The following NCOA2 variants were observed in gnomAD, a reference collection of about 807,000 sequenced individuals.
NCOA2 encodes the protein class E basic helix-loop-helix protein 75.
NCOA2 carries 21 observed loss-of-function variants against 145.1 expected under a neutral mutation model. That is an observed-to-expected ratio of 0.14 (90% CI 0.10 to 0.21). The LOEUF (loss-of-function observed/expected upper bound fraction) is 0.21, where lower values mean the gene tolerates loss of function less well. Among genes scored for constraint, NCOA2 ranks in the 10% least tolerant of loss-of-function variants. The pLI, the probability that NCOA2 is intolerant of heterozygous loss-of-function variation, is 1.00. For missense variants in NCOA2, 1,472 were observed against 1,837.6 expected, an observed-to-expected ratio of 0.80 and a Z score of 3.64; for synonymous variants, 619 against 637.5, an observed-to-expected ratio of 0.97 and a Z score of 0.44.
chr8:70,443,770 C>A, the NCOA2 span, among the ~76,000 whole-genome samples: 1 of 152,074 alleles, frequency 6.6e-6, no homozygotes, highest in Admixed American at 6.5e-5. Context: ...TGTGATCTTG[C>A]TATATTGCCC....
the NCOA2 span, among the ~76,000 whole-genome samples, chr8:70,444,824 C>G: frequency 8.5e-5 from 13 of 152,218 alleles, no homozygotes; most frequent in South Asian, 2.7e-3. Context: ...ATTTTTAATT[C>G]TGAAGGGGCA....
At chr8:70,114,880 T>C (rs1357016948) in intron 22 of NCOA2, among the ~76,000 whole-genome samples, 1 of 152,194 alleles carries the variant, frequency 6.6e-6, no homozygotes, top group Non-Finnish European at 1.5e-5. Context: ...TCATGAGTTC[T>C]AGTGGCCAAA....
At chr8:70,424,465 C>T in the NCOA2 span, 5 of 509,254 alleles carry the variant, frequency 9.8e-6, no homozygotes, top group East Asian at 1.1e-4. Flanking sequence ...AGCATATCTT[C>T]GACCCACACC....
intron 1 of NCOA2, among the ~76,000 whole-genome samples, chr8:70,297,884 G>A (rs1369073339): frequency 6.6e-6 from 1 of 152,190 alleles, no homozygotes; most frequent in Admixed American, 6.5e-5. Flanking sequence ...ATGAAAACAA[G>A]AAGTATGTGC....
At chr8:70,317,861 G>A (rs1805732211) in intron 1 of NCOA2, among the ~76,000 whole-genome samples, 2 of 152,092 alleles carry the variant, frequency 1.3e-5, no homozygotes, top group African/African-American at 4.8e-5. Context: ...GGAATTCGAG[G>A]CTGCAGTGAG....
chr8:70,265,671 A>T (rs1394340029), intron 2 of NCOA2, among the ~76,000 whole-genome samples: 1 of 152,192 alleles, frequency 6.6e-6, no homozygotes. Context: ...TGTCAGAGAC[A>T]CTCAGTCCAT....
intron 12 of NCOA2, among the ~76,000 whole-genome samples, chr8:70,145,975 C>T (rs1199695613): frequency 1.3e-5 from 2 of 152,144 alleles, no homozygotes; most frequent in Non-Finnish European, 2.9e-5. Context: ...CTAATTAAAC[C>T]AGTGTTTTTT....
intron 1 of NCOA2, among the ~76,000 whole-genome samples, chr8:70,389,708 G>C (rs1010342591): frequency 6.6e-6 from 1 of 151,938 alleles, no homozygotes; most frequent in Non-Finnish European, 1.5e-5. Context: ...TGCTCTTGTT[G>C]CCCAGGCTGG....
At position 70,144,798 on chromosome 8, in the gene NCOA2, T is replaced by G. The variant is rs1456196632; in HGVS notation, c.2656A>C (p.Asn886His). 3 of 1,613,842 alleles carry G rather than the reference T, an allele frequency of 1.9e-6. No homozygotes were observed. The highest frequency in any genetic ancestry group is 2.5e-6 in the Non-Finnish European group (3 of 1,179,880). ...TGCAATGTGATGTCAAGTGGTAAAT[T>G]CTGGTTTGGCAATAACCTGCCCAGT... is the stretch of plus-strand genomic sequence containing the variant. ...GQLGRLLPNQ[N>H]LPLDITLQSP... The change falls in exon 13 of 23, where the codon AAT becomes CAT. Residue 886 changes from asparagine (N) to histidine (H), a missense_variant. This residue lies in a region of NCOA2 where 953 missense variants were observed against 1,062.1 expected (regional missense o/e 0.90). Coordinates refer to ENST00000452400, the MANE Select transcript of NCOA2 (RefSeq NM_006540.4).
rs919668426 is a variant in NCOA2, at chr8:70,166,432, A to G, written c.730+134T>C. The G allele has an allele frequency of 2.3e-5, 25 of 1,065,712 alleles. No homozygotes were observed. The African/African-American group carries it at 3.2e-4, about 14-fold the overall frequency. The allele number at this position is 1,065,712 out of a possible 1,614,324, so 66.0% of individuals were successfully genotyped here. A position where few individuals can be genotyped will look rare whatever the true frequency, so the allele number is the denominator to read the frequency against. ...CTGAAGACTTAAAAATTTCCATCAC[A>G]AAACAGTAAAATTGAAAAGAACAAA... On this transcript the variant is annotated intron_variant, in intron 7 of 22. Coordinates refer to ENST00000452400, the MANE Select transcript of NCOA2 (RefSeq NM_006540.4).
At chr8:70,412,667 A>C in the NCOA2 span, among the ~76,000 whole-genome samples, 2,752 of 149,308 alleles carry the variant, frequency 0.018, 112 homozygotes, top group African/African-American at 0.064. Flanking sequence ...AAAAAAAAAA[A>C]AAAACTAGAA....
chr8:70,381,889 T>C (rs527775580), intron 1 of NCOA2, among the ~76,000 whole-genome samples: 2 of 152,294 alleles, frequency 1.3e-5, no homozygotes, highest in Non-Finnish European at 1.5e-5. Flanking sequence ...TTAATCTATA[T>C]AGATTATAAA....
At chr8:70,242,349 C>T (rs977975315) in intron 2 of NCOA2, among the ~76,000 whole-genome samples, 9 of 152,064 alleles carry the variant, frequency 5.9e-5, no homozygotes, top group Admixed American at 2.6e-4. Flanking sequence ...ACCATGTTAT[C>T]TTTAACATTA....
intron 1 of NCOA2, among the ~76,000 whole-genome samples, chr8:70,350,348 A>C (rs541248645): frequency 4.6e-5 from 7 of 152,274 alleles, no homozygotes; most frequent in Middle Eastern, 3.4e-3. Context: ...GAGTTCACTC[A>C]GTTTTTTGCT....
chr8:70,439,052 A>G, the NCOA2 span, among the ~76,000 whole-genome samples: 3 of 152,216 alleles, frequency 2.0e-5, no homozygotes, highest in Non-Finnish European at 4.4e-5. Flanking sequence ...TACTCCATTA[A>G]CCAAGTTTAA....
At chr8:70,275,556 C>T (rs1586336735) in intron 2 of NCOA2, among the ~76,000 whole-genome samples, 1 of 151,942 alleles carries the variant, frequency 6.6e-6, no homozygotes, top group South Asian at 2.1e-4. Flanking sequence ...TACCTTAAAA[C>T]AGGTTGTCTA....
chr8:70,240,597 G>T (rs1394154039), intron 2 of NCOA2, among the ~76,000 whole-genome samples: 2 of 152,182 alleles, frequency 1.3e-5, no homozygotes, highest in African/African-American at 4.8e-5. Flanking sequence ...GTGCCAGAAG[G>T]CTGTGATGTG....
intron 2 of NCOA2, among the ~76,000 whole-genome samples, chr8:70,234,172 C>T (rs1821395835): frequency 6.6e-6 from 1 of 152,224 alleles, no homozygotes; most frequent in South Asian, 2.1e-4. Flanking sequence ...GGCTCAGCAA[C>T]ACTGCTGCAT....
the NCOA2 span, among the ~76,000 whole-genome samples, chr8:70,432,807 A>G: frequency 6.6e-6 from 1 of 152,184 alleles, no homozygotes; most frequent in East Asian, 1.9e-4. Context: ...GTATTTTTAT[A>G]TTTCCTATAA....
Sources: gnomAD v4.1 joint callset for allele counts (sites outside exome capture counted in the v4.1 genomes callset) on GRCh38, gnomAD v4.1.1 for gene constraint, gnomAD v4.1.1 regional missense constraint, MANE v1.5 for transcripts, NCBI Gene and HGNC (gene_info 2026-07-23, HGNC 2026-07-21) for gene names.